Variants in UBE2O observed in about 807,000 individuals in gnomAD.
UBE2O encodes (E3-independent) E2 ubiquitin-conjugating enzyme.
In UBE2O, 15 loss-of-function variants were observed where a neutral mutation model predicts 125.8. The observed-to-expected ratio is 0.12, with a 90% CI of 0.08 to 0.18. The LOEUF is 0.18. Among genes scored for constraint, UBE2O ranks in the 10% least tolerant of loss-of-function variants. The pLI is 1.00. For synonymous variants in UBE2O, 708 were observed against 703.2 expected (o/e 1.01, Z -0.11); for missense variants, 1,280 against 1,723.6 (o/e 0.74, Z 4.56).
chr17:76,417,543 A>AC (rs932354721), intron 1 of UBE2O, among the ~76,000 whole-genome samples: 2 of 152,082 alleles, frequency 1.3e-5, no homozygotes, highest in Non-Finnish European at 2.9e-5. Flanking sequence ...AAAATTCTCT[A>AC]CCCCCTCCTT....
chr17:76,434,327 C>T (rs2072950621), intron 1 of UBE2O, among the ~76,000 whole-genome samples: 1 of 152,080 alleles, frequency 6.6e-6, no homozygotes, highest in Non-Finnish European at 1.5e-5. Context: ...TCTGATGTTC[C>T]CAGCACAGAA....
chr17:76,390,423 T>C lies in UBE2O; in HGVS notation c.*520A>G, dbSNP rs2072085800. 1.3e-5 allele frequency: 2 copies of C among 154,548 alleles called. No homozygotes were observed. Among genetic ancestry groups the C allele is most frequent in the Admixed American group, 1.3e-4 (2 of 15,464 alleles). 9.6% of individuals were successfully genotyped at this position (154,548 alleles called of 1,614,324 possible). A position where few individuals can be genotyped will look rare whatever the true frequency, so the allele number is the denominator to read the frequency against. On this transcript the variant is annotated 3_prime_UTR_variant, in exon 18 of 18. Coordinates refer to ENST00000319380, the MANE Select transcript of UBE2O (RefSeq NM_022066.4). ...CAGCTACAACTCCCAAGGGATAGTG[T>C]TGACGCTGGAGGACTAGGGAGGACC...
intron 1 of UBE2O, among the ~76,000 whole-genome samples, chr17:76,411,160 C>T (rs567899804): frequency 8.2e-4 from 124 of 152,102 alleles, no homozygotes; most frequent in South Asian, 3.3e-3. Flanking sequence ...TACAGGCGTA[C>T]GCCACCATGC....
intron 1 of UBE2O, among the ~76,000 whole-genome samples, chr17:76,423,818 C>T (rs1004840005): frequency 1.5e-4 from 22 of 151,322 alleles, no homozygotes; most frequent in South Asian, 4.2e-4. Flanking sequence ...GCACAGTGTC[C>T]GCAAAGGAAC....
At chr17:76,416,283 G>A (rs1014366147) in intron 1 of UBE2O, among the ~76,000 whole-genome samples, 1 of 151,680 alleles carries the variant, frequency 6.6e-6, no homozygotes, top group African/African-American at 2.4e-5. Context: ...GCATGGCCCT[G>A]GACTGGCAGC....
In UBE2O at chr17:76,398,886, G is replaced by A. The variant is rs1366335855; in HGVS notation, c.1734C>T (p.His578=). Residue 578 remains histidine, a synonymous_variant, in exon 10 of 18, where the codon CAC becomes CAT. Coordinates refer to ENST00000319380, the MANE Select transcript of UBE2O (RefSeq NM_022066.4). This position sits in a 1 kb window ranked among gnomAD's most constrained non-coding sequence, Gnocchi z 5.4. ...IRSNDLFPVH[H]LDNNEFCPGD... is the part of the protein sequence containing the mutation. ...CAGGGCAGAACTCGTTGTTGTCCAG[G>A]TGGTGCACAGGGAAGAGGTCGTTGG... 4.3e-6 allele frequency: 7 copies of A among 1,614,158 alleles called. No individual in the cohort carries two copies. The highest frequency in any genetic ancestry group is 1.6e-4 in the Middle Eastern group (1 of 6,062).
chr17:76,452,378 G>A lies in UBE2O; in HGVS notation c.417+347C>T, dbSNP rs1398758537. On this transcript the variant is annotated intron_variant, in intron 1 of 17. Transcript: ENST00000319380. The surrounding 1 kb of genome is among the most constrained non-coding windows in gnomAD (Gnocchi z 4.4). Reference sequence around the variant, plus strand: ...GCTCCTTGGGGGTCAGCAAAACGCCGCACTGGTGTAACGCCGAACGCGCCC... The same window carrying A: ...GCTCCTTGGGGGTCAGCAAAACGCCACACTGGTGTAACGCCGAACGCGCCC... Among the ~76,000 whole-genome samples, 2 of 152,112 alleles carry A rather than the reference G, an allele frequency of 1.3e-5. No homozygotes were observed. Among genetic ancestry groups the A allele is most frequent in the Admixed American group, 6.5e-5 (1 of 15,276 alleles).
At chr17:76,407,549 T>C (rs2143741258) in intron 1 of UBE2O, among the ~76,000 whole-genome samples, 1 of 152,238 alleles carries the variant, frequency 6.6e-6, no homozygotes, top group Non-Finnish European at 1.5e-5. Context: ...CCTCCACCAC[T>C]TGGGGGTCCC....
At position 76,452,643 on chromosome 17, in the gene UBE2O, G is replaced by A. The variant is rs990729373; in HGVS notation, c.417+82C>T. 2.4e-6 allele frequency: 3 copies of A among 1,264,734 alleles called. No individual in the cohort carries two copies. Among genetic ancestry groups the A allele is most frequent in the Non-Finnish European group, 3.0e-6 (3 of 993,316 alleles). The allele number at this position is 1,264,734 out of a possible 1,614,324, so 78.3% of individuals were successfully genotyped here. A position where few individuals can be genotyped will look rare whatever the true frequency, so the allele number is the denominator to read the frequency against. On this transcript the variant is annotated intron_variant, in intron 1 of 17. Coordinates refer to ENST00000319380, the MANE Select transcript of UBE2O (RefSeq NM_022066.4). The surrounding 1 kb of genome is among the most constrained non-coding windows in gnomAD (Gnocchi z 4.4). ...CTGCAGTGGCACCGCTCCGGGCAGG[G>A]CCCTGCACGCCGTCCTTCCCTGGCC...
At chr17:76,451,221 A>G (rs190264444) in intron 1 of UBE2O, among the ~76,000 whole-genome samples, 29 of 152,308 alleles carry the variant, frequency 1.9e-4, no homozygotes, top group African/African-American at 7.0e-4. Context: ...ACAGAAAGAC[A>G]CCAGCAATCA....
chr17:76,422,505 G>A (rs2072729132), intron 1 of UBE2O, among the ~76,000 whole-genome samples: 2 of 152,198 alleles, frequency 1.3e-5, no homozygotes, highest in Admixed American at 6.5e-5. Context: ...GTGGGCAGAC[G>A]CTGTGCCAGA....
chr17:76,431,908 T>C (rs2143850452), intron 1 of UBE2O, among the ~76,000 whole-genome samples: 1 of 152,356 alleles, frequency 6.6e-6, no homozygotes, highest in African/African-American at 2.4e-5. Context: ...TTAAGTCCCA[T>C]GGATTGCTGT....
Position 76,426,302 on chromosome 17 carries a change from A to C in UBE2O, c.418-20730T>G, listed in dbSNP as rs62084968. On this transcript the variant is annotated intron_variant, in intron 1 of 17. Coordinates refer to ENST00000319380, the MANE Select transcript of UBE2O (RefSeq NM_022066.4). ...AGGCGTGAACCACCATGCCCAGCCA[A>C]AAGAACTTTTTTCTACTCTACTTGA... is the stretch of plus-strand genomic sequence containing the variant. 7.1e-3 allele frequency among the ~76,000 whole-genome samples: 1,077 copies of C among 152,284 alleles called. 10 individuals are homozygous for C. Among genetic ancestry groups the C allele is most frequent in the Admixed American group, 0.011 (163 of 15,292 alleles).
At chr17:76,440,713 G>A (rs766450242) in intron 1 of UBE2O, among the ~76,000 whole-genome samples, 2 of 152,172 alleles carry the variant, frequency 1.3e-5, no homozygotes, top group Non-Finnish European at 2.9e-5. Flanking sequence ...ACTACAGCCT[G>A]CAGGTCATGT....
chr17:76,409,974 G>A (rs1304770411), intron 1 of UBE2O, among the ~76,000 whole-genome samples: 1 of 152,186 alleles, frequency 6.6e-6, no homozygotes, highest in Non-Finnish European at 1.5e-5. Flanking sequence ...GTGTGGTCAG[G>A]AAAGGCCCCT....
intron 13 of UBE2O, 46 bp downstream of exon 13, chr17:76,397,753 T>C (rs753835801): frequency 7.2e-5 from 115 of 1,595,358 alleles, no homozygotes; most frequent in Middle Eastern, 1.7e-4. Flanking sequence ...CCGGCCCAAG[T>C]TGCCATAGTC....
At chr17:76,428,564 C>T (rs1379875945) in intron 1 of UBE2O, among the ~76,000 whole-genome samples, 2 of 152,198 alleles carry the variant, frequency 1.3e-5, no homozygotes, top group Admixed American at 6.5e-5. Flanking sequence ...CTTTCTCCTA[C>T]CTGAATCAGC....
chr17:76,413,170 T>G (rs1413143798), intron 1 of UBE2O, among the ~76,000 whole-genome samples: 2 of 152,108 alleles, frequency 1.3e-5, no homozygotes, highest in East Asian at 3.8e-4. Context: ...AAGGTACACA[T>G]ATGGTCTTTA....
intron 1 of UBE2O, among the ~76,000 whole-genome samples, chr17:76,416,255 T>C (rs1212304542): frequency 6.6e-6 from 1 of 152,080 alleles, no homozygotes; most frequent in African/African-American, 2.4e-5. Context: ...TATATGTATG[T>C]ATATGTATAT....
Sources: gnomAD v4.1 joint callset for allele counts (sites outside exome capture counted in the v4.1 genomes callset) on GRCh38, gnomAD v4.1.1 for gene constraint, Gnocchi (gnomAD v3.1) non-coding constraint, MANE v1.5 for transcripts, NCBI Gene and HGNC (gene_info 2026-07-23, HGNC 2026-07-21) for gene names.